The following APBA2 variants were observed in gnomAD, a reference collection of about 807,000 sequenced individuals.
The protein encoded by APBA2 is amyloid-beta A4 precursor protein-binding family A member 2.
A neutral mutation model predicts 75.0 loss-of-function variants in APBA2; 30 were observed. That is an observed-to-expected ratio of 0.40 (90% confidence interval 0.30 to 0.54). APBA2 has a LOEUF of 0.54. Among genes scored for constraint, APBA2 ranks in the 20% least tolerant of loss-of-function variants. APBA2 has a pLI of 0.49. For synonymous variants in APBA2, 444 were observed against 409.6 expected, an observed-to-expected ratio of 1.08 and a Z score of -1.01; for missense variants, 801 against 1,016.1, an observed-to-expected ratio of 0.79 and a Z score of 2.88.
chr15:29,054,824 C>A lies in APBA2; in HGVS notation c.940C>A (p.Pro314Thr). 4 of 1,598,914 alleles carry A rather than the reference C, an allele frequency of 2.5e-6. No homozygotes were observed. The highest frequency in any genetic ancestry group is 3.4e-6 in the Non-Finnish European group (4 of 1,179,488). The part of the protein sequence containing the change: ...TRTPEERLKW[P>T]HEQVCNGLEQ... ...GACCCCAGAAGAGAGGCTGAAGTGG[C>A]CCCACGAGCAGGTAGGACCCTGGCT... Residue 314 changes from proline to threonine, a missense_variant, in exon 4 of 15, where the codon CCC (proline) becomes ACC (threonine). Pro to Thr is a conservative substitution (Grantham distance 38, BLOSUM62 -1). This residue lies in a region of APBA2 where 434 missense variants were observed against 471.6 expected (regional missense o/e 0.92). Coordinates refer to ENST00000683413, the MANE Select transcript of APBA2 (RefSeq NM_001353788.2). This position sits in a 1 kb window ranked among gnomAD's most constrained non-coding sequence, Gnocchi z 6.1.
chr15:28,907,511 G>A (rs1250513034), intron 1 of APBA2, among the ~76,000 whole-genome samples: 1 of 152,194 alleles, frequency 6.6e-6, no homozygotes, highest in Non-Finnish European at 1.5e-5. Flanking sequence ...AGGCAGAGCA[G>A]CTGTCCGTGG....
intron 3 of APBA2, among the ~76,000 whole-genome samples, chr15:28,998,272 G>A (rs947572282): frequency 6.8e-6 from 1 of 146,880 alleles, no homozygotes; most frequent in Non-Finnish European, 1.5e-5. Context: ...ATAGGCCCTC[G>A]ATCTATAAAA....
intron 3 of APBA2, among the ~76,000 whole-genome samples, chr15:29,020,639 C>T (rs2039905878): frequency 7.5e-6 from 1 of 133,804 alleles, no homozygotes; most frequent in Non-Finnish European, 1.5e-5. Flanking sequence ...AACCCGGTCT[C>T]TACTAAAAAT....
intron 2 of APBA2, among the ~76,000 whole-genome samples, chr15:28,945,184 C>T (rs1038541236): frequency 3.9e-4 from 60 of 152,258 alleles, no homozygotes; most frequent in African/African-American, 1.2e-3. Flanking sequence ...CTGTTTGGCG[C>T]GGGGACGACC....
At chr15:28,947,677 C>T (rs946256952) in intron 2 of APBA2, among the ~76,000 whole-genome samples, 7 of 152,154 alleles carry the variant, frequency 4.6e-5, no homozygotes, top group Admixed American at 2.6e-4. Context: ...ACCAGAGCTC[C>T]TTGCCTGGGT....
At chr15:28,942,813 C>A (rs536339599) in intron 2 of APBA2, among the ~76,000 whole-genome samples, 16 of 152,320 alleles carry the variant, frequency 1.1e-4, no homozygotes, top group African/African-American at 3.6e-4. Context: ...CTGCCTCTTC[C>A]CTGCAGGGAG....
chr15:29,013,483 G>A lies in APBA2; in HGVS notation c.-41+17677G>A, dbSNP rs533810033. Among the ~76,000 whole-genome samples, 10 of 151,932 alleles carry A rather than the reference G, an allele frequency of 6.6e-5. No individual in the cohort carries two copies. In the South Asian group the frequency reaches 1.9e-3, roughly 29 times the overall value. The stretch of plus-strand genomic sequence containing the variant: ...TTTTAAGTAGAGACGGGGTTTCACC[G>A]TGTTAGCCAAGATGGTCTTGATGTC... On this transcript the variant is annotated intron_variant, in intron 3 of 14. Coordinates refer to ENST00000683413, the MANE Select transcript of APBA2 (RefSeq NM_001353788.2).
intron 6 of APBA2, among the ~76,000 whole-genome samples, chr15:29,091,103 G>A (rs376297168): frequency 6.6e-6 from 1 of 152,182 alleles, no homozygotes; most frequent in Non-Finnish European, 1.5e-5. Context: ...CAGGTGGACA[G>A]GGGTTCCTCC....
intron 6 of APBA2, among the ~76,000 whole-genome samples, chr15:29,076,448 G>A (rs1335738251): frequency 1.3e-5 from 2 of 149,464 alleles, no homozygotes; most frequent in Non-Finnish European, 3.0e-5. Context: ...TCAAATTCAG[G>A]CTTTTTTTTT....
chr15:28,919,985 CCCT>C (rs2033888361), intron 1 of APBA2, among the ~76,000 whole-genome samples: 1 of 152,184 alleles, frequency 6.6e-6, no homozygotes, highest in African/African-American at 2.4e-5. Context: ...CAGCAGAGGC[CCCT>C]CCTCGGCCTT....
At chr15:28,910,591 G>T (rs1566791033) in intron 1 of APBA2, among the ~76,000 whole-genome samples, 1 of 152,174 alleles carries the variant, frequency 6.6e-6, no homozygotes, top group African/African-American at 2.4e-5. Context: ...GGGCTGTGCC[G>T]AAAGTCTCTG....
chr15:28,957,517 G>A lies in APBA2; in HGVS notation c.-95+35768G>A, dbSNP rs113261716. ...ACACCATTTTACATTCCTACCCACC[G>A]TGTACAAGGGTTCCAGTTTTCTCCA... is the stretch of plus-strand genomic sequence containing the variant. On this transcript the variant is annotated intron_variant, in intron 2 of 14. Transcript: ENST00000683413. Among the ~76,000 whole-genome samples, 693 of 152,262 alleles carry A rather than the reference G, an allele frequency of 4.6e-3. 5 individuals are homozygous for A. Among genetic ancestry groups the A allele is most frequent in the African/African-American group, 9.7e-3 (401 of 41,548 alleles).
intron 1 of APBA2, among the ~76,000 whole-genome samples, chr15:28,910,306 CAGGT>C (rs1271452979): frequency 2.6e-5 from 4 of 152,262 alleles, no homozygotes; most frequent in East Asian, 3.9e-4. Flanking sequence ...TTTCTGTCCT[CAGGT>C]GGGTGGGCAG....
chr15:28,981,001 C>T (rs2037592659), intron 2 of APBA2, among the ~76,000 whole-genome samples: 1 of 152,204 alleles, frequency 6.6e-6, no homozygotes, highest in Non-Finnish European at 1.5e-5. Context: ...AAGAATGAAA[C>T]TGGATCCCTA....
At chr15:29,085,644 AT>A (rs1472475296) in intron 6 of APBA2, among the ~76,000 whole-genome samples, 1 of 151,874 alleles carries the variant, frequency 6.6e-6, no homozygotes, top group Non-Finnish European at 1.5e-5. Flanking sequence ...TACCATGATT[AT>A]TGGTGCTCAA....
At chr15:29,114,834 GAGAGCA>G (rs2044981110) in intron 14 of APBA2, among the ~76,000 whole-genome samples, 1 of 151,482 alleles carries the variant, frequency 6.6e-6, no homozygotes, top group African/African-American at 2.4e-5. Flanking sequence ...GTGTGTGTGT[GAGAGCA>G]TGGGGTGTGT....
intron 1 of APBA2, among the ~76,000 whole-genome samples, chr15:28,888,819 T>G (rs1343943053): frequency 6.6e-6 from 1 of 152,160 alleles, no homozygotes; most frequent in Non-Finnish European, 1.5e-5. Context: ...TCCTCACCCT[T>G]GCCAGGTGGC....
intron 2 of APBA2, chr15:28,976,973 G>T (rs2037371105): frequency 6.6e-6 from 1 of 152,156 alleles, no homozygotes; most frequent in African/African-American, 2.4e-5. Flanking sequence ...GATTTCAAGT[G>T]ACTAATTAAA....
At chr15:28,960,286 C>T (rs916188240) in intron 2 of APBA2, among the ~76,000 whole-genome samples, 6 of 151,424 alleles carry the variant, frequency 4.0e-5, no homozygotes, top group Non-Finnish European at 7.4e-5. Flanking sequence ...CACAGCAAGA[C>T]CCCTGTCTCC....
Sources: gnomAD v4.1 joint callset for allele counts (sites outside exome capture counted in the v4.1 genomes callset) on GRCh38, gnomAD v4.1.1 for gene constraint, gnomAD v4.1.1 regional missense constraint, Gnocchi (gnomAD v3.1) non-coding constraint, MANE v1.5 for transcripts, NCBI Gene and HGNC (gene_info 2026-07-23, HGNC 2026-07-21) for gene names.